The following MAML2 variants were observed in gnomAD, a reference collection of about 807,000 sequenced individuals.
The protein encoded by MAML2 is mastermind like transcriptional coactivator 2, also known as mastermind-like protein 2.
In MAML2, 22 loss-of-function variants were observed where a neutral mutation model predicts 96.1. The observed-to-expected ratio is 0.23, with a 90% CI of 0.16 to 0.33. The LOEUF is 0.33. Ranked by LOEUF, MAML2 falls within the 10% of genes least tolerant of loss-of-function variation. MAML2 has a pLI of 1.00. For synonymous variants in MAML2, 561 were observed against 521.3 expected, an observed-to-expected ratio of 1.08 and a Z score of -1.04; for missense variants, 1,367 against 1,392.4, an observed-to-expected ratio of 0.98 and a Z score of 0.29.
chr11:96,188,122 C>A (rs1861599753), intron 1 of MAML2, among the ~76,000 whole-genome samples: 1 of 152,202 alleles, frequency 6.6e-6, no homozygotes, highest in South Asian at 2.1e-4. Context: ...ACAGACCTCA[C>A]TTGTATGAGA....
intron 1 of MAML2, among the ~76,000 whole-genome samples, chr11:96,184,293 T>C (rs1428878928): frequency 6.6e-6 from 1 of 151,802 alleles, no homozygotes; most frequent in African/African-American, 2.4e-5. Flanking sequence ...ACGTAAAAAT[T>C]AGTGGGCGTG....
intron 1 of MAML2, among the ~76,000 whole-genome samples, chr11:96,247,117 G>A (rs567979450): frequency 4.6e-5 from 7 of 152,154 alleles, no homozygotes; most frequent in Non-Finnish European, 7.4e-5. Flanking sequence ...GCAGAGAACA[G>A]AGAGCCCTCA....
chr11:96,340,377 C>T (rs1296281617), intron 1 of MAML2, among the ~76,000 whole-genome samples: 2 of 152,198 alleles, frequency 1.3e-5, no homozygotes, highest in East Asian at 3.8e-4. Context: ...GGGAGGAAGC[C>T]TGCAGGGCCA....
chr11:96,054,202 A>T (rs956375919), intron 2 of MAML2, among the ~76,000 whole-genome samples: 4 of 152,150 alleles, frequency 2.6e-5, no homozygotes, highest in African/African-American at 9.7e-5. Context: ...TCACAGACTA[A>T]CTTGTCAGTG....
chr11:96,303,820 C>G (rs1863425527), intron 1 of MAML2, among the ~76,000 whole-genome samples: 1 of 152,198 alleles, frequency 6.6e-6, no homozygotes. Flanking sequence ...CTGTATAAAT[C>G]CTGGCCTCAC....
chr11:96,232,725 C>A (rs1442123521), intron 1 of MAML2, among the ~76,000 whole-genome samples: 1 of 152,166 alleles, frequency 6.6e-6, no homozygotes, highest in Non-Finnish European at 1.5e-5. Context: ...CCTATCTCAG[C>A]CTCCCAAAGT....
At chr11:96,017,374 C>G (rs1858371003) in intron 2 of MAML2, among the ~76,000 whole-genome samples, 2 of 151,250 alleles carry the variant, frequency 1.3e-5, no homozygotes, top group African/African-American at 2.4e-5. Flanking sequence ...TCCCTCCCTC[C>G]CCACCTCTTT....
chr11:96,298,639 T>C (rs1358145472), intron 1 of MAML2, among the ~76,000 whole-genome samples: 1 of 151,746 alleles, frequency 6.6e-6, no homozygotes, highest in Admixed American at 6.6e-5. Flanking sequence ...AGGTTGCATA[T>C]CTATACCTAC....
At chr11:96,239,797 T>A (rs973518788) in intron 1 of MAML2, among the ~76,000 whole-genome samples, 3 of 152,194 alleles carry the variant, frequency 2.0e-5, no homozygotes, top group Non-Finnish European at 4.4e-5. Flanking sequence ...GTAGGTATAT[T>A]AGTAAGTTCT....
At chr11:96,033,888 T>C (rs975958484) in intron 2 of MAML2, among the ~76,000 whole-genome samples, 3 of 152,202 alleles carry the variant, frequency 2.0e-5, no homozygotes, top group Admixed American at 6.5e-5. Flanking sequence ...AGGTTTCCAA[T>C]TGTGTTTCTT....
At chr11:96,044,006 A>C (rs1032936963) in intron 2 of MAML2, among the ~76,000 whole-genome samples, 4 of 152,256 alleles carry the variant, frequency 2.6e-5, no homozygotes, top group Non-Finnish European at 5.9e-5. Context: ...CCTATGGCCC[A>C]TGGAGACAAA....
At chr11:96,201,177 A>G (rs1194899819) in intron 1 of MAML2, among the ~76,000 whole-genome samples, 1 of 152,228 alleles carries the variant, frequency 6.6e-6, no homozygotes, top group Non-Finnish European at 1.5e-5. Context: ...ACTTGAACCT[A>G]CTTGATGGAT....
intron 1 of MAML2, among the ~76,000 whole-genome samples, chr11:96,213,174 C>T (rs1257172521): frequency 6.6e-6 from 1 of 152,206 alleles, no homozygotes; most frequent in Non-Finnish European, 1.5e-5. Flanking sequence ...TTGGGGCTTT[C>T]TGACTACAAA....
Position 96,213,207 on chromosome 11 carries a change from T to C in MAML2, c.514-119690A>G, listed in dbSNP as rs573737279. ...AAAGCCCATGTGCTACAGGACCCCA[T>C]TGGAGCTCTTAGAACTTTCAAAGTA... is the stretch of plus-strand genomic sequence containing the variant. On this transcript the variant is annotated intron_variant, in intron 1 of 4. Transcript: ENST00000524717. 3.3e-4 allele frequency among the ~76,000 whole-genome samples: 50 copies of C among 152,326 alleles called. 1 individual carries two copies. The Middle Eastern group carries it at 0.017, about 52-fold the overall frequency.
intron 1 of MAML2, among the ~76,000 whole-genome samples, chr11:96,336,124 C>T (rs181825205): frequency 5.3e-5 from 8 of 152,176 alleles, no homozygotes; most frequent in Non-Finnish European, 2.9e-5. Flanking sequence ...ATTATTTTCT[C>T]ATATTCATAC....
At chr11:96,128,111 C>T (rs1860481554) in intron 1 of MAML2, among the ~76,000 whole-genome samples, 1 of 152,028 alleles carries the variant, frequency 6.6e-6, no homozygotes, top group Non-Finnish European at 1.5e-5. Context: ...ACTCCTAATC[C>T]AGCCGTGTGC....
chr11:96,203,737 A>G (rs1861857989), intron 1 of MAML2, among the ~76,000 whole-genome samples: 1 of 152,212 alleles, frequency 6.6e-6, no homozygotes, highest in African/African-American at 2.4e-5. Context: ...TCTGTAACAT[A>G]CTTTGGAATG....
chr11:96,283,931 T>C (rs971768264), intron 1 of MAML2, among the ~76,000 whole-genome samples: 2 of 152,210 alleles, frequency 1.3e-5, no homozygotes, highest in Non-Finnish European at 2.9e-5. Context: ...CCTCATCTCC[T>C]ACTTAATCCA....
intron 1 of MAML2, among the ~76,000 whole-genome samples, chr11:96,139,349 C>T (rs930099117): frequency 7.9e-5 from 12 of 151,876 alleles, no homozygotes; most frequent in African/African-American, 1.9e-4. Context: ...TGGTGGCGGG[C>T]GCCTGTAGCC....
Sources: allele counts gnomAD v4.1 joint callset (sites outside exome capture counted in the v4.1 genomes callset), GRCh38; gene constraint gnomAD v4.1.1; transcripts MANE v1.5; gene names NCBI Gene and HGNC (gene_info 2026-07-23, HGNC 2026-07-21).